Variants in CEP250 observed in about 807,000 individuals in gnomAD.
CEP250 encodes centrosome-associated protein CEP250.
In CEP250, 242 loss-of-function variants were observed where a neutral mutation model predicts 315.7. The ratio of observed to expected loss-of-function variants is 0.77; its 90% CI spans 0.69 to 0.85. CEP250 has a LOEUF of 0.85. Among genes scored for constraint, CEP250 ranks in the 40% least tolerant of loss-of-function variants. The pLI is 0.00. For missense variants in CEP250, 2,515 were observed against 2,886.4 expected, an observed-to-expected ratio of 0.87 and a Z score of 2.95; for synonymous variants, 1,088 against 1,175.0, an observed-to-expected ratio of 0.93 and a Z score of 1.51.
Position 35,505,002 on chromosome 20 carries a change from G to A in CEP250, c.6633G>A (p.Leu2211=). The change falls in exon 30 of 35, where the codon CTG becomes CTA. Residue 2211 remains leucine (L), a synonymous_variant. Coordinates refer to ENST00000397527, the MANE Select transcript of CEP250 (RefSeq NM_007186.6). ...AGCGGGACTCAGAACAGCAAAGGCTGCAGGTAAGTCACTCCATGGGGAGTA... is the reference window on the plus strand; with the variant it reads ...AGCGGGACTCAGAACAGCAAAGGCTACAGGTAAGTCACTCCATGGGGAGTA... ...VLERDSEQQR[L]QDELELTRRA... 1.2e-6 allele frequency: 2 copies of A among 1,600,504 alleles called. No individual in the cohort carries two copies. Among genetic ancestry groups the A allele is most frequent in the Non-Finnish European group, 1.7e-6 (2 of 1,171,260 alleles).
At chr20:35,505,914 T>C (rs1426592780) in intron 30 of CEP250, among the ~76,000 whole-genome samples, 3 of 151,952 alleles carry the variant, frequency 2.0e-5, no homozygotes, top group Non-Finnish European at 4.4e-5. Context: ...AGGGGAGTGA[T>C]GTGATCAGAC....
At position 35,511,621 on chromosome 20, in the gene CEP250, A is replaced by G; in HGVS notation, c.7324A>G (p.Arg2442Gly). ...CCCCAGCACTACCCAAGCCGCCTCC[A>G]GGTAGCAGCCACAGCCAGGAGCACA... Reference protein sequence around the residue: ...PSPSTTQAASR With the variant: ...PSPSTTQAASG Residue 2442 changes from arginine to glycine, a missense_variant, in exon 35 of 35, where the codon AGG becomes GGG. By Grantham distance (125) the Arg-to-Gly change is moderately radical. Transcript: ENST00000397527. 1 of 1,607,956 alleles carries G rather than the reference A, an allele frequency of 6.2e-7. No individual in the cohort carries two copies. Among genetic ancestry groups the G allele is most frequent in the Non-Finnish European group, 8.5e-7 (1 of 1,176,312 alleles).
intron 20 of CEP250, among the ~76,000 whole-genome samples, chr20:35,485,597 C>CTTCCT (rs1237343653): frequency 7.2e-6 from 1 of 139,180 alleles, no homozygotes; most frequent in Non-Finnish European, 1.5e-5. Context: ...CTCAAGTGAT[C>CTTCCT]TTCCTGCCTC....
chr20:35,508,882 G>A, intron 32 of CEP250, 61 bp from the exon 33 acceptor site: 1 of 1,387,040 alleles, frequency 7.2e-7, no homozygotes, highest in Middle Eastern at 1.9e-4. Flanking sequence ...CTGGAGAAAG[G>A]CAGCTCTGCT....
Position 35,503,007 on chromosome 20 carries a change from G to A in CEP250, c.4638G>A (p.Gln1546=). The part of the protein sequence containing the change: ...QMIESQRGQV[Q]DLKKQLVTLE... ...TTGAGTCCCAGAGAGGACAGGTTCA[G>A]GACCTGAAAAAGCAGTTGGTTACTC... The change falls in exon 30 of 35, where the codon CAG becomes CAA. Residue 1546 remains glutamine, a synonymous_variant. Transcript: ENST00000397527. This position sits in a 1 kb window ranked among gnomAD's most constrained non-coding sequence, Gnocchi z 4.2. The A allele has an allele frequency of 6.2e-7, 1 of 1,614,196 alleles. No homozygotes were observed.
chr20:35,484,545 C>A (rs936624893), intron 20 of CEP250, among the ~76,000 whole-genome samples: 1 of 152,024 alleles, frequency 6.6e-6, no homozygotes, highest in African/African-American at 2.4e-5. Flanking sequence ...TTTCTCCCTT[C>A]CTCCCCATGT....
chr20:35,474,394 T>C (rs904898732), intron 14 of CEP250, among the ~76,000 whole-genome samples: 3 of 152,196 alleles, frequency 2.0e-5, no homozygotes, highest in African/African-American at 7.2e-5. Flanking sequence ...CCAAGTCCTT[T>C]GGGAGCACAG....
rs771069471 is a variant in CEP250, at chr20:35,496,764, T to A, written c.3306+49T>A. 6 of 1,581,474 alleles carry A rather than the reference T, an allele frequency of 3.8e-6. No homozygotes were observed. In the Admixed American group the frequency reaches 1.1e-4, roughly 29 times the overall value. On this transcript the variant is annotated intron_variant, in intron 25 of 34. Coordinates refer to ENST00000397527, the MANE Select transcript of CEP250 (RefSeq NM_007186.6). The stretch of plus-strand genomic sequence containing the variant: ...CTCTGCATCCCTGGCAGAAGCCTGA[T>A]TCTGAAGCGGTGGATTGATTGCTCT...
rs114948497 is a variant in CEP250 at position 35,509,875 on chromosome 20, A to T, written c.7009-123A>T. 6.7e-4 allele frequency: 569 copies of T among 848,920 alleles called. No individual in the cohort carries two copies. In the African/African-American group the frequency reaches 8.6e-3, roughly 13 times the overall value. The allele number at this position is 848,920 out of a possible 1,614,324, so 52.6% of individuals were successfully genotyped here. A position where few individuals can be genotyped will look rare whatever the true frequency, so the allele number is the denominator to read the frequency against. On this transcript the variant is annotated intron_variant, in intron 33 of 34. Coordinates refer to ENST00000397527, the MANE Select transcript of CEP250 (RefSeq NM_007186.6). The stretch of plus-strand genomic sequence containing the variant: ...CCATAGACGTCCAGTCTGAGTTCAG[A>T]TGCTTCTGGCCCATAGCCCTTGCCC...
rs1223298299 is a variant in CEP250 at position 35,458,371 on chromosome 20, G to A, written c.-230G>A. On this transcript the variant is annotated 5_prime_UTR_variant, in exon 2 of 35. Coordinates refer to ENST00000397527, the MANE Select transcript of CEP250 (RefSeq NM_007186.6). Reference sequence around the variant, plus strand: ...CCTGTCTGATCCTTAGCAAAAGTAGGAAGGTAGGTCTTGTTCATTTCTGTA... The same window carrying A: ...CCTGTCTGATCCTTAGCAAAAGTAGAAAGGTAGGTCTTGTTCATTTCTGTA... 2 of 152,200 alleles carry A rather than the reference G, an allele frequency of 1.3e-5. No homozygotes were observed. The highest frequency in any genetic ancestry group is 4.8e-5 in the African/African-American group (2 of 41,446). 9.4% of individuals were successfully genotyped at this position (152,200 alleles called of 1,614,324 possible). A position where few individuals can be genotyped will look rare whatever the true frequency, so the allele number is the denominator to read the frequency against.
In CEP250 at chr20:35,459,966, G is replaced by A. The variant is rs531607246; in HGVS notation, c.-226-17G>A. On this transcript the variant is annotated splice_polypyrimidine_tract_variant and intron_variant, in intron 2 of 34. Transcript: ENST00000397527. ...TCCTCAGTTCCCTTGGAGTAACTTG[G>A]ATCTACATTATTGTAGGTAGAGTTG... The A allele has an allele frequency of 1.3e-5, 2 of 152,208 alleles. No individual in the cohort carries two copies. Among genetic ancestry groups the A allele is most frequent in the South Asian group, 4.1e-4 (2 of 4,820 alleles). The allele number at this position is 152,208 out of a possible 1,614,324, so 9.4% of individuals were successfully genotyped here.
Position 35,502,882 on chromosome 20 carries a change from G to C in CEP250, c.4513G>C (p.Val1505Leu). 7.4e-6 allele frequency: 12 copies of C among 1,614,246 alleles called. No individual in the cohort carries two copies. The highest frequency in any genetic ancestry group is 1.0e-5 in the Non-Finnish European group (12 of 1,180,042). Reference sequence around the variant, plus strand: ...CCAGGAGCGAGAGCAGAAGCTGACTGTGCAGAGGGAGCAGATCAGAGAGCT... The same window carrying C: ...CCAGGAGCGAGAGCAGAAGCTGACTCTGCAGAGGGAGCAGATCAGAGAGCT... Reference protein sequence around the residue: ...AVQEREQKLTVQREQIRELEK... With the variant: ...AVQEREQKLTLQREQIRELEK... Residue 1505 changes from valine to leucine, a missense_variant, in exon 30 of 35, where the codon GTG (valine) becomes CTG (leucine). By Grantham distance (32) the Val-to-Leu change is conservative. Transcript: ENST00000397527.
chr20:35,467,333 T>C lies in CEP250; in HGVS notation c.629T>C (p.Val210Ala), dbSNP rs2062909319. The C allele has an allele frequency of 1.2e-6, 2 of 1,613,892 alleles. No homozygotes were observed. Among genetic ancestry groups the C allele is most frequent in the Non-Finnish European group, 1.7e-6 (2 of 1,179,900 alleles). Residue 210 changes from valine (V) to alanine (A), a missense_variant, in exon 9 of 35, where the codon GTG becomes GCG. By Grantham distance (64) the Val-to-Ala change is moderately conservative (BLOSUM62 0). Transcript: ENST00000397527. ...CTGATGGAGCTAAAAGCTGAGCATG[T>C]GAGGCTTTCAGGGTCTCTGTTGACC... Reference protein sequence around the residue: ...RDLMELKAEHVRLSGSLLTCC... With the variant: ...RDLMELKAEHARLSGSLLTCC...
intron 25 of CEP250, among the ~76,000 whole-genome samples, chr20:35,497,304 A>G (rs2063865781): frequency 6.6e-6 from 1 of 152,210 alleles, no homozygotes; most frequent in Non-Finnish European, 1.5e-5. Flanking sequence ...AGGGTGAACA[A>G]TTCTTGTTCC....
intron 18 of CEP250, 82 bp downstream of exon 18, chr20:35,479,506 A>C: frequency 1.3e-6 from 2 of 1,542,054 alleles, no homozygotes; most frequent in Non-Finnish European, 1.8e-6. Context: ...TGCCATAAGT[A>C]TGCAGGTCCT....
At chr20:35,494,706 G>A in intron 24 of CEP250, 49 bp downstream of exon 24, 24 of 1,607,232 alleles carry the variant, frequency 1.5e-5, no homozygotes, top group Non-Finnish European at 2.0e-5. Flanking sequence ...TGGCTGCCAT[G>A]GTCACTGTGA....
Position 35,504,343 on chromosome 20 carries a change from C to A in CEP250, c.5974C>A (p.Arg1992Ser). 1 of 1,593,706 alleles carries A rather than the reference C, an allele frequency of 6.3e-7. No individual in the cohort carries two copies. Among genetic ancestry groups the A allele is most frequent in the Admixed American group, 1.8e-5 (1 of 56,542 alleles). The change falls in exon 30 of 35, where the codon CGC (arginine) becomes AGC (serine). Residue 1992 changes from arginine (R) to serine (S), a missense_variant. Physicochemically the swap from Arg to Ser is moderately radical, Grantham distance 110. Coordinates refer to ENST00000397527, the MANE Select transcript of CEP250 (RefSeq NM_007186.6). Reference protein sequence around the residue: ...QHLLEQAELSRSLEASTATLQ... With the variant: ...QHLLEQAELSSSLEASTATLQ... Reference sequence around the variant, plus strand: ...TCTCCTCGAGCAGGCAGAATTGAGCCGCAGTCTGGAGGCCAGCACTGCAAC... The same window carrying A: ...TCTCCTCGAGCAGGCAGAATTGAGCAGCAGTCTGGAGGCCAGCACTGCAAC...
At position 35,490,677 on chromosome 20, in the gene CEP250, C is replaced by T. The variant is rs534168614; in HGVS notation, c.2627C>T (p.Ala876Val). 145 of 1,613,710 alleles carry T rather than the reference C, an allele frequency of 9.0e-5. No homozygotes were observed. The South Asian group carries it at 1.6e-3, about 18-fold the overall frequency. Residue 876 changes from alanine (A) to valine (V), a missense_variant, in exon 21 of 35, where the codon GCT becomes GTT. Physicochemically the swap from Ala to Val is moderately conservative, Grantham distance 64 (BLOSUM62 0). Transcript: ENST00000397527. ...TGGCACCAGCAGGAGCTGGCAAAGG[C>T]TCTGGAGAGCTTAGAAAGGGAAAAA... ...RSWHQQELAK[A>V]LESLEREKME...
In CEP250 at chr20:35,467,533, G is replaced by A. The variant is rs758057228; in HGVS notation, c.829G>A (p.Glu277Lys). 1.2e-6 allele frequency: 2 copies of A among 1,613,996 alleles called. No individual in the cohort carries two copies. The highest frequency in any genetic ancestry group is 4.5e-5 in the East Asian group (2 of 44,886). ...ACAGCTGAAGAGTCAAGGGGATCTG[G>A]AGAAGGCTGAACTTCAGGACCGGTG... ...LIQLKSQGDL[E>K]KAELQDRVTE... Residue 277 changes from glutamate (E) to lysine (K), a missense_variant, in exon 9 of 35, where the codon GAG becomes AAG. By Grantham distance (56) the Glu-to-Lys change is moderately conservative. Coordinates refer to ENST00000397527, the MANE Select transcript of CEP250 (RefSeq NM_007186.6).
Sources: allele counts gnomAD v4.1 joint callset (sites outside exome capture counted in the v4.1 genomes callset), GRCh38; gene constraint gnomAD v4.1.1; non-coding constraint Gnocchi (gnomAD v3.1); transcripts MANE v1.5; gene names NCBI Gene and HGNC (gene_info 2026-07-23, HGNC 2026-07-21).